AP4S1: variants seen among roughly 807,000 people sequenced by gnomAD.
The protein encoded by AP4S1 is adaptor related protein complex 4 subunit sigma 1.
A neutral mutation model predicts 19.8 loss-of-function variants in AP4S1; 23 were observed. The ratio of observed to expected loss-of-function variants is 1.16; its 90% CI spans 0.84 to 1.65. The LOEUF is 1.65. AP4S1 is among the 40% of genes most tolerant of loss of function. The pLI is 0.00. For missense variants in AP4S1, 166 were observed against 172.8 expected, an observed-to-expected ratio of 0.96 and a Z score of 0.22; for synonymous variants, 46 against 54.1, an observed-to-expected ratio of 0.85 and a Z score of 0.66.
intron 5 of AP4S1, chr14:31,085,061 C>A: frequency 7.0e-7 from 1 of 1,435,552 alleles, no homozygotes; most frequent in Non-Finnish European, 9.1e-7. Context: ...TGGAATGCAG[C>A]AGTACTGCCT....
At chr14:31,081,683 CTATA>C (rs1208313812) in intron 5 of AP4S1, among the ~76,000 whole-genome samples, 1 of 151,194 alleles carries the variant, frequency 6.6e-6, no homozygotes, top group Non-Finnish European at 1.5e-5. Context: ...AATATAACAA[CTATA>C]TATGAATTAT....
At chr14:31,058,215 C>T (rs1231602538) in intron 1 of AP4S1, among the ~76,000 whole-genome samples, 1 of 152,158 alleles carries the variant, frequency 6.6e-6, no homozygotes, top group Non-Finnish European at 1.5e-5. Flanking sequence ...CAGGCATGAA[C>T]CACCTCGCCT....
At chr14:31,082,248 T>C (rs1887675515) in intron 5 of AP4S1, among the ~76,000 whole-genome samples, 1 of 152,154 alleles carries the variant, frequency 6.6e-6, no homozygotes, top group Admixed American at 6.5e-5. Flanking sequence ...GATCCCTTTG[T>C]AGGTTTTAGC....
At position 31,083,496 on chromosome 14, in the gene AP4S1, CTTTTTTTTT is replaced by C. The variant is rs768336426; in HGVS notation, c.306+2930_306+2938del. On this transcript the variant is annotated intron_variant, in intron 5 of 5. Coordinates refer to ENST00000542754, the MANE Select transcript of AP4S1 (RefSeq NM_001128126.3). ...GTGGCACCTCTTTTCTGTTGACACTCTTTTTTTTTTTTTTTTTTTTTTTTTTGAGACAAG... is the reference window on the plus strand; with the variant it reads ...GTGGCACCTCTTTTCTGTTGACACTCTTTTTTTTTTTTTTTTTGAGACAAG... 3.3e-4 allele frequency: 84 copies of C among 255,112 alleles called. 2 individuals carry two copies. The highest frequency in any genetic ancestry group is 1.9e-3 in the African/African-American group (29 of 15,078). The allele number at this position is 255,112 out of a possible 1,614,324, so 15.8% of individuals were successfully genotyped here.
intron 4 of AP4S1, among the ~76,000 whole-genome samples, chr14:31,079,458 G>A (rs1281616346): frequency 6.6e-6 from 1 of 152,056 alleles, no homozygotes; most frequent in Non-Finnish European, 1.5e-5. Flanking sequence ...ACATTCGGAG[G>A]CTGCACATTC....
intron 1 of AP4S1, among the ~76,000 whole-genome samples, chr14:31,036,130 AT>A (rs201715271): frequency 0.038 from 5,835 of 152,130 alleles, 135 homozygotes; most frequent in South Asian, 0.08. Context: ...TTCTATTTTT[AT>A]TTTAAAAAAA....
intron 5 of AP4S1, among the ~76,000 whole-genome samples, chr14:31,082,859 G>A (rs955463368): frequency 6.7e-6 from 1 of 150,310 alleles, no homozygotes; most frequent in Non-Finnish European, 1.5e-5. Flanking sequence ...TTGCGCCACT[G>A]CACTCCAGCC....
At chr14:31,032,946 A>G (rs927901063) in intron 1 of AP4S1, 3 of 152,222 alleles carry the variant, frequency 2.0e-5, no homozygotes, top group Non-Finnish European at 2.9e-5. Context: ...TGCAAAGGCT[A>G]TAACAAATAT....
intron 3 of AP4S1, among the ~76,000 whole-genome samples, chr14:31,072,340 T>A (rs1262018243): frequency 6.6e-6 from 1 of 152,022 alleles, no homozygotes; most frequent in Non-Finnish European, 1.5e-5. Context: ...CCTCCCAAAG[T>A]GGTGGGGATT....
chr14:31,049,163 C>T (rs1343717545), intron 1 of AP4S1, among the ~76,000 whole-genome samples: 1 of 151,764 alleles, frequency 6.6e-6, no homozygotes, highest in Non-Finnish European at 1.5e-5. Context: ...CCTGTAATCC[C>T]AACACTTTGG....
At chr14:31,051,212 C>T (rs1278526609) in intron 1 of AP4S1, among the ~76,000 whole-genome samples, 1 of 150,708 alleles carries the variant, frequency 6.6e-6, no homozygotes, top group African/African-American at 2.4e-5. Context: ...GCCATGTTTG[C>T]ACCACTGCAC....
intron 1 of AP4S1, 135 bp from the exon 2 acceptor site, chr14:31,065,991 C>A (rs1036931511): frequency 2.0e-6 from 1 of 500,242 alleles, no homozygotes; most frequent in Non-Finnish European, 3.6e-6. Context: ...TCAATTAGTT[C>A]ATAGGAATAA....
At chr14:31,082,257 G>A (rs969343421) in intron 5 of AP4S1, among the ~76,000 whole-genome samples, 25 of 152,068 alleles carry the variant, frequency 1.6e-4, no homozygotes, top group African/African-American at 6.0e-4. Flanking sequence ...GTAGGTTTTA[G>A]CATGCTGAAT....
At chr14:31,072,233 G>A (rs146979208) in intron 3 of AP4S1, among the ~76,000 whole-genome samples, 4 of 151,344 alleles carry the variant, frequency 2.6e-5, no homozygotes, top group African/African-American at 7.3e-5. Flanking sequence ...GAGCCATTAC[G>A]CCAAGCCTAT....
At chr14:31,088,000 A>T (rs989474240) in intron 5 of AP4S1, among the ~76,000 whole-genome samples, 2 of 152,310 alleles carry the variant, frequency 1.3e-5, no homozygotes, top group South Asian at 4.1e-4. Flanking sequence ...CTGTTCCTCC[A>T]TGGGAAGGGC....
chr14:31,032,595 C>G (rs1339425004), intron 1 of AP4S1, among the ~76,000 whole-genome samples: 1 of 150,584 alleles, frequency 6.6e-6, no homozygotes, highest in East Asian at 2.0e-4. Flanking sequence ...GCGATCTCGG[C>G]TCACTGCAAC....
intron 1 of AP4S1, among the ~76,000 whole-genome samples, chr14:31,046,669 C>T (rs562565397): frequency 6.6e-6 from 1 of 152,136 alleles, no homozygotes; most frequent in African/African-American, 2.4e-5. Context: ...CACGGTGAAA[C>T]CCCGTCGCTA....
rs182512368 is a variant in AP4S1 at position 31,034,880 on chromosome 14, G to T, written c.-72+9093G>T. Among the ~76,000 whole-genome samples, 358 of 151,862 alleles carry T rather than the reference G, an allele frequency of 2.4e-3. 1 individual carries two copies. Among genetic ancestry groups the T allele is most frequent in the African/African-American group, 8.2e-3 (339 of 41,424 alleles). The stretch of plus-strand genomic sequence containing the variant: ...GACCTCAGGTGATCCACCTGCCTTG[G>T]CCTCCCAAAGTGCTGGGATTACAGG... On this transcript the variant is annotated intron_variant, in intron 1 of 5. Coordinates refer to ENST00000542754, the MANE Select transcript of AP4S1 (RefSeq NM_001128126.3).
intron 5 of AP4S1, among the ~76,000 whole-genome samples, chr14:31,091,489 T>C (rs1302594371): frequency 6.6e-6 from 1 of 152,094 alleles, no homozygotes; most frequent in Non-Finnish European, 1.5e-5. Context: ...ATCTGTATAA[T>C]TGAAAGACAG....
Sources: gnomAD v4.1 joint callset for allele counts (sites outside exome capture counted in the v4.1 genomes callset) on GRCh38, gnomAD v4.1.1 for gene constraint, MANE v1.5 for transcripts, NCBI Gene and HGNC (gene_info 2026-07-23, HGNC 2026-07-21) for gene names.